The following ADORA2A variants were observed in gnomAD, a reference collection of about 807,000 sequenced individuals.
The protein encoded by ADORA2A is adenosine receptor A2a.
Under a neutral mutation model 18.4 loss-of-function variants are expected in ADORA2A, and 11 were observed. That is an observed-to-expected ratio of 0.60 (90% CI 0.38 to 0.99). The LOEUF (loss-of-function observed/expected upper bound fraction) is 0.99, where lower values mean the gene tolerates loss of function less well. Ranked by LOEUF, ADORA2A falls within the 50% of genes least tolerant of loss-of-function variation. ADORA2A has a pLI of 0.01. For synonymous variants in ADORA2A, 218 were observed against 237.3 expected (o/e 0.92, Z 0.75); for missense variants, 449 against 556.1 (o/e 0.81, Z 1.94).
intron 2 of ADORA2A, among the ~76,000 whole-genome samples, chr22:24,435,178 G>A (rs141035854): frequency 1.6e-3 from 237 of 152,318 alleles, no homozygotes; most frequent in Non-Finnish European, 2.8e-3. Flanking sequence ...TGAGAGGGGT[G>A]GAATTAGGGA....
chr22:24,430,439 T>C (rs2043003166), intron 1 of ADORA2A: 1 of 153,790 alleles, frequency 6.5e-6, no homozygotes, highest in Non-Finnish European at 1.4e-5. Context: ...CGGTATCTAG[T>C]GCTGTTTAGC....
upstream of ADORA2A, among the ~76,000 whole-genome samples, chr22:24,426,684 C>T (rs1012619164): frequency 6.6e-6 from 1 of 152,154 alleles, no homozygotes; most frequent in African/African-American, 2.4e-5. Context: ...GCCCCTGCAG[C>T]CTGGACTCCA....
chr22:24,440,701 G>T lies in ADORA2A; in HGVS notation c.451G>T (p.Glu151Ter). The T allele has an allele frequency of 6.2e-7, 1 of 1,614,022 alleles. No homozygotes were observed. Among genetic ancestry groups the T allele is most frequent in the Non-Finnish European group, 8.5e-7 (1 of 1,179,892 alleles). ...LGWNNCGQPKEGKNHSQGCGE... is the reference protein window; with the variant it reads ...LGWNNCGQPK ...TTGGAACAACTGCGGTCAGCCAAAG[G>T]AGGGCAAGAACCACTCCCAGGGCTG... Residue 151 changes from glutamate to a stop codon, truncating the protein, a stop_gained, in exon 3 of 3, where the codon GAG becomes TAG. Transcript: ENST00000337539. LOFTEE classifies it high-confidence loss of function.
intron 2 of ADORA2A, among the ~76,000 whole-genome samples, chr22:24,439,741 C>T (rs4820587): frequency 0.017 from 2,614 of 152,022 alleles, 132 homozygotes; most frequent in Admixed American, 0.11. Context: ...GACTGGGAGT[C>T]GGTAGGCTTG....
chr22:24,423,807 C>G (rs1435998470), upstream of ADORA2A: 1 of 152,074 alleles, frequency 6.6e-6, no homozygotes, highest in Non-Finnish European at 1.5e-5. Context: ...TGCCTCGGGT[C>G]CCCCTCCGGC....
chr22:24,436,467 T>C (rs973395196), intron 2 of ADORA2A, among the ~76,000 whole-genome samples: 3 of 152,274 alleles, frequency 2.0e-5, no homozygotes, highest in African/African-American at 4.8e-5. Context: ...AGGGAACCTG[T>C]TGGGCTAGCA....
rs138506386 is a variant in ADORA2A, at chr22:24,440,516, G to A, written c.333-67G>A. On this transcript the variant is annotated intron_variant, in intron 2 of 2. Coordinates refer to ENST00000337539, the MANE Select transcript of ADORA2A (RefSeq NM_000675.6). ...ATGTGGAAACGGGTGCTGCTCTGGG[G>A]TTCTGAACTCTTGGCCCTGCTTAAC... is the stretch of plus-strand genomic sequence containing the variant. 3.5e-3 allele frequency: 5,181 copies of A among 1,470,498 alleles called. 18 individuals are homozygous for A. Among genetic ancestry groups the A allele is most frequent in the Non-Finnish European group, 4.2e-3 (4,539 of 1,091,418 alleles). The allele number at this position is 1,470,498 out of a possible 1,614,324, so 91.1% of individuals were successfully genotyped here.
intron 2 of ADORA2A, 62 bp from the exon 3 acceptor site, chr22:24,440,521 G>C (rs2043312633): frequency 6.7e-7 from 1 of 1,493,038 alleles, no homozygotes; most frequent in Non-Finnish European, 9.0e-7. Context: ...CTGGGGTTCT[G>C]AACTCTTGGC....
chr22:24,429,905 T>C (rs1160023073), intron 1 of ADORA2A: 1 of 152,280 alleles, frequency 6.6e-6, no homozygotes, highest in African/African-American at 2.4e-5. Flanking sequence ...GCTGACTCTG[T>C]GTTGCTCCCC....
At chr22:24,430,117 T>C (rs5760414) in intron 1 of ADORA2A, 16,729 of 152,386 alleles carry the variant, frequency 0.11, 2,023 homozygotes, top group African/African-American at 0.29. Flanking sequence ...CTGACTCCAC[T>C]GATCTGCTTT....
chr22:24,435,276 C>G (rs1052381212), intron 2 of ADORA2A, among the ~76,000 whole-genome samples: 1 of 152,190 alleles, frequency 6.6e-6, no homozygotes, highest in Non-Finnish European at 1.5e-5. Flanking sequence ...CCAGTGGCAG[C>G]TCAGAACACG....
chr22:24,433,547 TGGCGGC>T lies in ADORA2A; in HGVS notation c.147_152del (p.Ala50_Ala51del). On this transcript the variant is annotated inframe_deletion, in exon 2 of 3. Coordinates refer to ENST00000337539, the MANE Select transcript of ADORA2A (RefSeq NM_000675.6). ...GTCACCAACTACTTTGTGGTGTCAC[TGGCGGC>T]GGCCGACATCGCAGTGGGTGTGCTC... The T allele has an allele frequency of 1.2e-6, 2 of 1,614,154 alleles. No homozygotes were observed. The highest frequency in any genetic ancestry group is 1.7e-6 in the Non-Finnish European group (2 of 1,180,052).
In ADORA2A at chr22:24,433,447, G is replaced by A. The variant is rs200557920; in HGVS notation, c.43G>A (p.Ala15Thr). 64 of 1,613,936 alleles carry A rather than the reference G, an allele frequency of 4.0e-5. No homozygotes were observed. In the African/African-American group the frequency reaches 7.2e-4, roughly 18 times the overall value. The change falls in exon 2 of 3, where the codon GCC becomes ACC. Residue 15 changes from alanine (A) to threonine (T), a missense_variant. By Grantham distance (58) the Ala-to-Thr change is moderately conservative (BLOSUM62 0). Transcript: ENST00000337539. ...CTCGGTGTACATCACGGTGGAGCTG[G>A]CCATTGCTGTGCTGGCCATCCTGGG... Reference protein sequence around the residue: ...GSSVYITVELAIAVLAILGNV... With the variant: ...GSSVYITVELTIAVLAILGNV...
chr22:24,433,267 C>T lies in ADORA2A; in HGVS notation c.-138C>T, dbSNP rs975879941. The T allele has an allele frequency of 5.0e-6, 4 of 799,680 alleles. No individual in the cohort carries two copies. The highest frequency in any genetic ancestry group is 7.7e-6 in the Non-Finnish European group (4 of 516,368). The allele number at this position is 799,680 out of a possible 1,614,324, so 49.5% of individuals were successfully genotyped here. On this transcript the variant is annotated 5_prime_UTR_variant, in exon 2 of 3. Transcript: ENST00000337539. ...CGCCCCAGCAGGGCTGCACTTGGCT[C>T]CTGTGAGGAAGGGGCTCAGGGGTCT...
At chr22:24,434,947 C>A (rs2043136484) in intron 2 of ADORA2A, among the ~76,000 whole-genome samples, 1 of 152,222 alleles carries the variant, frequency 6.6e-6, no homozygotes, top group Non-Finnish European at 1.5e-5. Flanking sequence ...CTGATCCCCA[C>A]TGTGACTTCA....
upstream of ADORA2A, among the ~76,000 whole-genome samples, chr22:24,425,596 C>A (rs954930522): frequency 6.6e-6 from 1 of 152,236 alleles, no homozygotes; most frequent in Non-Finnish European, 1.5e-5. Flanking sequence ...AGCCCAGTCA[C>A]CTCTGGCCAG....
At chr22:24,440,068 A>G (rs1312642154) in intron 2 of ADORA2A, among the ~76,000 whole-genome samples, 1 of 152,094 alleles carries the variant, frequency 6.6e-6, no homozygotes, top group Non-Finnish European at 1.5e-5. Context: ...TATAGGTCTG[A>G]TCTGGCTGGT....
At chr22:24,430,957 C>G (rs970259863) in intron 1 of ADORA2A, 1 of 366,500 alleles carries the variant, frequency 2.7e-6, no homozygotes, top group Non-Finnish European at 5.4e-6. Context: ...AGGCCAGGCA[C>G]CTGGGTGGGA....
At chr22:24,426,771 G>A (rs1312710655), upstream of ADORA2A, among the ~76,000 whole-genome samples, 1 of 152,146 alleles carries the variant, frequency 6.6e-6, no homozygotes, top group Non-Finnish European at 1.5e-5. Context: ...CCAGCACAGG[G>A]GATGATGGGA....
Sources: allele counts gnomAD v4.1 joint callset (sites outside exome capture counted in the v4.1 genomes callset), GRCh38; gene constraint gnomAD v4.1.1; transcripts MANE v1.5; gene names NCBI Gene and HGNC (gene_info 2026-07-23, HGNC 2026-07-21).